The following TMEFF2 variants were observed in gnomAD, a reference collection of about 807,000 sequenced individuals.
The protein encoded by TMEFF2 is tomoregulin-2.
TMEFF2 carries 28 observed loss-of-function variants against 53.8 expected under a neutral mutation model. That is an observed-to-expected ratio of 0.52 (90% CI 0.39 to 0.71). The LOEUF (loss-of-function observed/expected upper bound fraction) is 0.71. Ranked by LOEUF, TMEFF2 falls within the 30% of genes least tolerant of loss-of-function variation. The pLI, the probability that TMEFF2 is intolerant of heterozygous loss-of-function variation, is 0.00. For missense variants in TMEFF2, 353 were observed against 455.2 expected, an observed-to-expected ratio of 0.78 and a Z score of 2.04; for synonymous variants, 162 against 166.3, an observed-to-expected ratio of 0.97 and a Z score of 0.20.
chr2:192,181,440 A>G (rs1233611420), intron 3 of TMEFF2, among the ~76,000 whole-genome samples: 2 of 151,772 alleles, frequency 1.3e-5, no homozygotes, highest in East Asian at 3.9e-4. Flanking sequence ...CTACACTTAT[A>G]TGAACATAAT....
At chr2:192,184,567 A>G in intron 2 of TMEFF2, 84 bp from the exon 3 acceptor site, 1 of 1,517,762 alleles carries the variant, frequency 6.6e-7, no homozygotes, top group Non-Finnish European at 9.0e-7. Flanking sequence ...ATCATTTACA[A>G]AAGAAACCAC....
chr2:191,972,967 A>G (rs1692691655), intron 7 of TMEFF2, among the ~76,000 whole-genome samples: 1 of 152,360 alleles, frequency 6.6e-6, no homozygotes, highest in East Asian at 1.9e-4. Context: ...CTACTAAATA[A>G]TAGTAAGATA....
chr2:192,087,664 C>T (rs1688697371), intron 4 of TMEFF2, among the ~76,000 whole-genome samples: 1 of 152,064 alleles, frequency 6.6e-6, no homozygotes, highest in Non-Finnish European at 1.5e-5. Context: ...TAACTAGATA[C>T]AATAAATGAG....
intron 4 of TMEFF2, among the ~76,000 whole-genome samples, chr2:192,086,696 C>G (rs1001426539): frequency 1.6e-4 from 24 of 152,098 alleles, no homozygotes; most frequent in Admixed American, 7.9e-4. Context: ...AAATCTCTTA[C>G]CCAGGGGACA....
In TMEFF2 at chr2:192,177,104, G is replaced by T. The variant is rs13400870; in HGVS notation, c.439+2564C>A. 2.0e-3 allele frequency: 298 copies of T among 151,296 alleles called. 2 individuals carry two copies. Among genetic ancestry groups the T allele is most frequent in the African/African-American group, 7.0e-3 (289 of 41,456 alleles). The allele number at this position is 151,296 out of a possible 1,614,324, so 9.4% of individuals were successfully genotyped here. A position where few individuals can be genotyped will look rare whatever the true frequency, so the allele number is the denominator to read the frequency against. On this transcript the variant is annotated intron_variant, in intron 4 of 9. Transcript: ENST00000272771. ...CATTACTGAGAATATGTTATATAGA[G>T]ATTAGTTAGAACAATCACTAGTTAC...
In TMEFF2 at chr2:191,999,089, A is replaced by G; in HGVS notation, c.656T>C (p.Ile219Thr). ...KEASCQKQEK[I>T]EVMSLGRCQD... ...ACATCGACCCAAAGACATGACTTCA[A>G]TTTTCTCCTGTTTCTGACACGATGC... The change falls in exon 6 of 10, where the codon ATT becomes ACT. Residue 219 changes from isoleucine to threonine, a missense_variant. This residue lies in a region of TMEFF2 where 294 missense variants were observed against 397.3 expected (regional missense o/e 0.74). Coordinates refer to ENST00000272771, the MANE Select transcript of TMEFF2 (RefSeq NM_016192.4). The G allele has an allele frequency of 6.2e-7, 1 of 1,610,284 alleles. No individual in the cohort carries two copies. Among genetic ancestry groups the G allele is most frequent in the Non-Finnish European group, 8.5e-7 (1 of 1,177,348 alleles).
At chr2:191,999,940 TAATAA>T (rs1306827215) in intron 5 of TMEFF2, among the ~76,000 whole-genome samples, 1 of 152,042 alleles carries the variant, frequency 6.6e-6, no homozygotes, top group Non-Finnish European at 1.5e-5. Context: ...TCATTTTAAA[TAATAA>T]AATAATAAAT....
At chr2:192,047,072 T>C (rs1045362910) in intron 5 of TMEFF2, among the ~76,000 whole-genome samples, 1 of 151,988 alleles carries the variant, frequency 6.6e-6, no homozygotes, top group Non-Finnish European at 1.5e-5. Context: ...AGGCACATGC[T>C]GCCATGCCTA....
At chr2:192,146,357 A>G (rs2105995290) in intron 4 of TMEFF2, among the ~76,000 whole-genome samples, 2 of 152,202 alleles carry the variant, frequency 1.3e-5, no homozygotes, top group South Asian at 4.1e-4. Flanking sequence ...ATATGCCAGG[A>G]AATGGGTGTG....
intron 3 of TMEFF2, among the ~76,000 whole-genome samples, chr2:192,181,461 T>G (rs1691182956): frequency 6.6e-6 from 1 of 151,760 alleles, no homozygotes; most frequent in East Asian, 1.9e-4. Flanking sequence ...GGGAAATGCA[T>G]AAAGGCTTAG....
chr2:192,027,559 T>A (rs1426002533), intron 5 of TMEFF2, among the ~76,000 whole-genome samples: 3 of 152,078 alleles, frequency 2.0e-5, no homozygotes, highest in Non-Finnish European at 1.5e-5. Flanking sequence ...TCCTCAAGGG[T>A]CTTGCCTCCT....
At chr2:192,150,265 A>G (rs1193040650) in intron 4 of TMEFF2, among the ~76,000 whole-genome samples, 2 of 151,960 alleles carry the variant, frequency 1.3e-5, no homozygotes, top group African/African-American at 4.8e-5. Flanking sequence ...TGTTATTAAA[A>G]TAATCAGGCT....
chr2:192,115,008 C>A (rs1477896395), intron 4 of TMEFF2, among the ~76,000 whole-genome samples: 1 of 151,902 alleles, frequency 6.6e-6, no homozygotes, highest in Non-Finnish European at 1.5e-5. Context: ...AAAGTCCATA[C>A]TACCCAAAGT....
intron 4 of TMEFF2, among the ~76,000 whole-genome samples, chr2:192,175,710 T>C (rs1355327340): frequency 1.3e-5 from 2 of 151,490 alleles, no homozygotes; most frequent in African/African-American, 2.4e-5. Flanking sequence ...CTTAGATACA[T>C]TTTATTTCTA....
intron 4 of TMEFF2, among the ~76,000 whole-genome samples, chr2:192,112,514 A>C (rs1689305804): frequency 6.6e-6 from 1 of 152,174 alleles, no homozygotes; most frequent in Admixed American, 6.6e-5. Context: ...TTGATTTTAC[A>C]GGCTCATAGA....
At chr2:192,153,481 A>G (rs937582024) in intron 4 of TMEFF2, among the ~76,000 whole-genome samples, 1 of 151,868 alleles carries the variant, frequency 6.6e-6, no homozygotes, top group African/African-American at 2.4e-5. Context: ...CACTGATGGC[A>G]GCCAATGATC....
chr2:191,954,433 G>A (rs1008900655), intron 8 of TMEFF2, among the ~76,000 whole-genome samples: 1 of 151,818 alleles, frequency 6.6e-6, no homozygotes, highest in African/African-American at 2.4e-5. Context: ...GATAATACAT[G>A]TCCAGGAATG....
Position 192,086,467 on chromosome 2 carries a change from A to G in TMEFF2, c.440-28692T>C, listed in dbSNP as rs368603207. Among the ~76,000 whole-genome samples, 15 of 152,282 alleles carry G rather than the reference A, an allele frequency of 9.9e-5. No homozygotes were observed. In the East Asian group the frequency reaches 1.3e-3, roughly 14 times the overall value. ...GAAATTGCTTACAATTTGGATGCCCATGAAATATTCCTGTTGTAATTCCCA... is the reference window on the plus strand; with the variant it reads ...GAAATTGCTTACAATTTGGATGCCCGTGAAATATTCCTGTTGTAATTCCCA... On this transcript the variant is annotated intron_variant, in intron 4 of 9. Coordinates refer to ENST00000272771, the MANE Select transcript of TMEFF2 (RefSeq NM_016192.4).
chr2:191,958,153 T>C (rs1477296246), intron 7 of TMEFF2, among the ~76,000 whole-genome samples: 1 of 152,182 alleles, frequency 6.6e-6, no homozygotes, highest in Non-Finnish European at 1.5e-5. Context: ...CTACACACTA[T>C]AGCGATCAAA....
Sources: allele counts gnomAD v4.1 joint callset (sites outside exome capture counted in the v4.1 genomes callset), GRCh38; gene constraint gnomAD v4.1.1; regional missense constraint gnomAD v4.1.1; transcripts MANE v1.5; gene names NCBI Gene and HGNC (gene_info 2026-07-23, HGNC 2026-07-21).